RAPGEF5: variants seen among roughly 807,000 people sequenced by gnomAD.
The protein encoded by RAPGEF5 is Rap guanine nucleotide exchange factor 5, also known as M-Ras-regulated GEF.
In RAPGEF5, 65 loss-of-function variants were observed where a neutral mutation model predicts 125.2. That is an observed-to-expected ratio of 0.52 (90% confidence interval 0.43 to 0.64). RAPGEF5 has a LOEUF of 0.64. RAPGEF5 is among the 30% of genes least tolerant of loss of function. RAPGEF5 has a pLI of 0.00. For missense variants in RAPGEF5, 958 were observed against 1,048.1 expected, an observed-to-expected ratio of 0.91 and a Z score of 1.19; for synonymous variants, 391 against 385.9, an observed-to-expected ratio of 1.01 and a Z score of -0.16.
intron 6 of RAPGEF5, among the ~76,000 whole-genome samples, chr7:22,286,487 A>G (rs1014945615): frequency 6.6e-6 from 1 of 152,202 alleles, no homozygotes; most frequent in Non-Finnish European, 1.5e-5. Context: ...ACTTAGCCTT[A>G]AAAAACAGAA....
intron 23 of RAPGEF5, among the ~76,000 whole-genome samples, chr7:22,133,933 G>A (rs1211359083): frequency 6.6e-6 from 1 of 152,112 alleles, no homozygotes; most frequent in Non-Finnish European, 1.5e-5. Context: ...AGGCTTATTG[G>A]GAACTGACTT....
chr7:22,210,777 A>G (rs960094700), intron 9 of RAPGEF5, among the ~76,000 whole-genome samples: 2 of 152,166 alleles, frequency 1.3e-5, no homozygotes, highest in African/African-American at 4.8e-5. Flanking sequence ...ATGAACATAC[A>G]TGCCACATCT....
chr7:22,255,203 T>C (rs1015801868), intron 7 of RAPGEF5, among the ~76,000 whole-genome samples: 1 of 152,214 alleles, frequency 6.6e-6, no homozygotes, highest in African/African-American at 2.4e-5. Context: ...ATGTATCCTA[T>C]ATGATCTTAG....
At chr7:22,253,122 G>A (rs758092212) in intron 7 of RAPGEF5, among the ~76,000 whole-genome samples, 1 of 152,166 alleles carries the variant, frequency 6.6e-6, no homozygotes. Flanking sequence ...ACTGGAGAAG[G>A]AGACAGATTT....
intron 7 of RAPGEF5, among the ~76,000 whole-genome samples, chr7:22,234,614 A>C (rs1214458137): frequency 6.6e-6 from 1 of 152,214 alleles, no homozygotes; most frequent in Non-Finnish European, 1.5e-5. Flanking sequence ...AGGAGAACTA[A>C]GCATGTATGT....
rs971696743 is a variant in RAPGEF5 at position 22,315,553 on chromosome 7, A to C, written c.283-77T>G. 98 of 551,848 alleles carry C rather than the reference A, an allele frequency of 1.8e-4. No homozygotes were observed. In the African/African-American group the frequency reaches 2.1e-3, roughly 12 times the overall value. 34.2% of individuals were successfully genotyped at this position (551,848 alleles called of 1,614,324 possible). ...GTGAACTACCAATAGCATACTATAT[A>C]TATATATATATATATTTATATATAT... On this transcript the variant is annotated intron_variant, in intron 2 of 25. Coordinates refer to ENST00000665637, the MANE Select transcript of RAPGEF5 (RefSeq NM_012294.5).
chr7:22,242,826 G>C (rs755521687), intron 7 of RAPGEF5, among the ~76,000 whole-genome samples: 60 of 151,760 alleles, frequency 4.0e-4, no homozygotes, highest in Non-Finnish European at 6.5e-4. Context: ...TTGCTATTTG[G>C]GAGGCTGAGG....
intron 1 of RAPGEF5, among the ~76,000 whole-genome samples, chr7:22,335,990 GTTGA>G (rs1456463382): frequency 6.6e-6 from 1 of 152,148 alleles, no homozygotes; most frequent in African/African-American, 2.4e-5. Flanking sequence ...TGGTGTTCTT[GTTGA>G]TTTTTAGTTT....
chr7:22,285,797 ACCCTTATGAAAAG>A (rs1782782869), intron 6 of RAPGEF5, among the ~76,000 whole-genome samples: 1 of 152,194 alleles, frequency 6.6e-6, no homozygotes, highest in African/African-American at 2.4e-5. Context: ...GATACCTGAA[ACCCTTATGAAAAG>A]CCCTTATGAA....
intron 11 of RAPGEF5, among the ~76,000 whole-genome samples, chr7:22,182,232 C>G (rs190895223): frequency 6.6e-6 from 1 of 152,094 alleles, no homozygotes; most frequent in Non-Finnish European, 1.5e-5. Context: ...ATCCAACAAC[C>G]GTCTGGGGAG....
chr7:22,184,091 G>A (rs1475863390), intron 11 of RAPGEF5, among the ~76,000 whole-genome samples: 1 of 152,128 alleles, frequency 6.6e-6, no homozygotes, highest in East Asian at 1.9e-4. Flanking sequence ...TCAACCTTTT[G>A]TGGCAAAAGC....
intron 6 of RAPGEF5, among the ~76,000 whole-genome samples, chr7:22,288,971 AT>A (rs888235617): frequency 6.6e-6 from 1 of 152,074 alleles, no homozygotes; most frequent in African/African-American, 2.4e-5. Flanking sequence ...GTCTACTTAC[AT>A]TTTTTCATTG....
At chr7:22,330,472 G>A (rs1332862613) in intron 1 of RAPGEF5, among the ~76,000 whole-genome samples, 1 of 152,134 alleles carries the variant, frequency 6.6e-6, no homozygotes, top group Non-Finnish European at 1.5e-5. Flanking sequence ...GAAGAGATGA[G>A]GCAGCCCTTC....
intron 1 of RAPGEF5, among the ~76,000 whole-genome samples, chr7:22,341,530 T>C (rs575215651): frequency 1.3e-5 from 2 of 152,330 alleles, no homozygotes; most frequent in South Asian, 2.1e-4. Context: ...CAAAGTCTCA[T>C]CTGAGACAAG....
chr7:22,285,145 C>A (rs1444293595), intron 6 of RAPGEF5, among the ~76,000 whole-genome samples: 1 of 152,130 alleles, frequency 6.6e-6, no homozygotes, highest in African/African-American at 2.4e-5. Flanking sequence ...GACCGGGAGC[C>A]GCGGCTCACA....
intron 21 of RAPGEF5, among the ~76,000 whole-genome samples, chr7:22,138,374 T>A (rs1783147308): frequency 6.6e-6 from 1 of 152,224 alleles, no homozygotes; most frequent in Non-Finnish European, 1.5e-5. Context: ...AGAGACCATG[T>A]GGCCTGCACA....
At chr7:22,203,459 C>T (rs768698123) in intron 9 of RAPGEF5, among the ~76,000 whole-genome samples, 9 of 152,196 alleles carry the variant, frequency 5.9e-5, no homozygotes, top group Non-Finnish European at 1.0e-4. Context: ...GACTGACGAT[C>T]TGCAAAGGCA....
At chr7:22,147,969 T>A (rs1783497498) in intron 18 of RAPGEF5, among the ~76,000 whole-genome samples, 1 of 152,234 alleles carries the variant, frequency 6.6e-6, no homozygotes, top group South Asian at 2.1e-4. Context: ...GTTTCCTATT[T>A]TTTTTAAAAA....
intron 6 of RAPGEF5, among the ~76,000 whole-genome samples, chr7:22,278,093 A>G (rs1782598555): frequency 6.6e-6 from 1 of 152,058 alleles, no homozygotes; most frequent in Non-Finnish European, 1.5e-5. Flanking sequence ...TTGCTATAAA[A>G]TCTTCACTAG....
Sources: allele counts gnomAD v4.1 joint callset (sites outside exome capture counted in the v4.1 genomes callset), GRCh38; gene constraint gnomAD v4.1.1; transcripts MANE v1.5; gene names NCBI Gene and HGNC (gene_info 2026-07-23, HGNC 2026-07-21).